Variants in CDH4 observed in about 807,000 individuals in gnomAD.
CDH4 encodes the protein cadherin 4.
A neutral mutation model predicts 86.0 loss-of-function variants in CDH4; 33 were observed. That is an observed-to-expected ratio of 0.38 (90% CI 0.29 to 0.51). The LOEUF (loss-of-function observed/expected upper bound fraction) is 0.51, where lower values mean the gene tolerates loss of function less well. CDH4 is among the 20% of genes least tolerant of loss of function. The pLI is 0.86. For synonymous variants in CDH4, 555 were observed against 549.4 expected, an observed-to-expected ratio of 1.01 and a Z score of -0.14; for missense variants, 1,114 against 1,307.4, an observed-to-expected ratio of 0.85 and a Z score of 2.28.
rs114840432 is a variant in CDH4, at chr20:61,796,177, C to T, written c.576+22995C>T. On this transcript the variant is annotated intron_variant, in intron 4 of 15. Coordinates refer to ENST00000614565, the MANE Select transcript of CDH4 (RefSeq NM_001794.5). ...CCCTGCACTGCCCTGGCCTGTGAGG[C>T]GAGGAGTGTTATCATTTTACTCCTA... Among the ~76,000 whole-genome samples the T allele has an allele frequency of 7.5e-3, 1,146 of 152,238 alleles. 13 individuals carry two copies. Among genetic ancestry groups the T allele is most frequent in the African/African-American group, 0.026 (1,079 of 41,500 alleles).
chr20:61,508,371 GCA>G, intron 2 of CDH4, among the ~76,000 whole-genome samples: 1 of 152,232 alleles, frequency 6.6e-6, no homozygotes, highest in Non-Finnish European at 1.5e-5. Flanking sequence ...TCGTGTCTGT[GCA>G]CACTTTCAGC....
intron 4 of CDH4, among the ~76,000 whole-genome samples, chr20:61,776,288 G>C (rs916119941): frequency 6.6e-6 from 1 of 152,214 alleles, no homozygotes; most frequent in East Asian, 1.9e-4. Context: ...AGCCGGCACC[G>C]GGAGCTCTCC....
intron 7 of CDH4, among the ~76,000 whole-genome samples, chr20:61,883,749 C>T (rs779262438): frequency 6.6e-6 from 1 of 152,132 alleles, no homozygotes; most frequent in Non-Finnish European, 1.5e-5. Flanking sequence ...CCCCCAGCGC[C>T]TGCTGGACTG....
intron 4 of CDH4, among the ~76,000 whole-genome samples, chr20:61,789,415 C>G (rs1342292956): frequency 6.6e-6 from 1 of 152,116 alleles, no homozygotes; most frequent in South Asian, 2.1e-4. Context: ...AGCCAAGGTG[C>G]ATGTCAGAAA....
intron 2 of CDH4, among the ~76,000 whole-genome samples, chr20:61,593,873 C>T (rs970750806): frequency 6.6e-6 from 1 of 151,194 alleles, no homozygotes; most frequent in East Asian, 2.0e-4. Context: ...CAAGGGTCCC[C>T]CCAGCAGAAC....
intron 2 of CDH4, among the ~76,000 whole-genome samples, chr20:61,492,303 G>A (rs987314270): frequency 6.1e-5 from 9 of 148,604 alleles, no homozygotes; most frequent in African/African-American, 1.9e-4. Context: ...TGTTGGTGTT[G>A]ATGTAGGTGG....
chr20:61,506,113 C>T (rs1289175803), intron 2 of CDH4, among the ~76,000 whole-genome samples: 1 of 152,180 alleles, frequency 6.6e-6, no homozygotes, highest in East Asian at 1.9e-4. Context: ...TAAATATTTA[C>T]ATAGAGGGGA....
intron 2 of CDH4, among the ~76,000 whole-genome samples, chr20:61,617,479 T>TC (rs1432081993): frequency 6.6e-6 from 1 of 152,050 alleles, no homozygotes; most frequent in Non-Finnish European, 1.5e-5. Flanking sequence ...GCTGAGAACG[T>TC]CCCCCCATTC....
intron 2 of CDH4, among the ~76,000 whole-genome samples, chr20:61,361,966 C>G (rs2084785818): frequency 2.0e-5 from 3 of 152,232 alleles, no homozygotes; most frequent in Admixed American, 6.5e-5. Flanking sequence ...ATCTGCCATC[C>G]CGGAGCCCAC....
At chr20:61,285,534 C>T (rs537862611) in intron 2 of CDH4, among the ~76,000 whole-genome samples, 141 of 152,330 alleles carry the variant, frequency 9.3e-4, no homozygotes, top group African/African-American at 3.1e-3. Flanking sequence ...GCGGCCCCTC[C>T]GAGCCTGCCA....
chr20:61,557,538 T>C (rs531929217), intron 2 of CDH4, among the ~76,000 whole-genome samples: 30 of 152,346 alleles, frequency 2.0e-4, no homozygotes, highest in Admixed American at 9.8e-4. Flanking sequence ...ACTTCTGGTA[T>C]AGATTAATTG....
intron 2 of CDH4, among the ~76,000 whole-genome samples, chr20:61,464,877 C>T (rs775073819): frequency 2.0e-4 from 31 of 152,284 alleles, no homozygotes; most frequent in East Asian, 9.7e-4. Context: ...ACAAAGAAGC[C>T]GGCTTCAAAA....
intron 2 of CDH4, among the ~76,000 whole-genome samples, chr20:61,665,658 C>A (rs551012521): frequency 6.6e-6 from 1 of 152,186 alleles, no homozygotes; most frequent in African/African-American, 2.4e-5. Context: ...CGAGTGCTCC[C>A]GGCAGGCTCA....
At chr20:61,531,637 T>G (rs767634487) in intron 2 of CDH4, among the ~76,000 whole-genome samples, 17 of 152,238 alleles carry the variant, frequency 1.1e-4, no homozygotes, top group Non-Finnish European at 1.8e-4. Context: ...CTGGATGGCA[T>G]TCACGGACCA....
In CDH4 at chr20:61,501,331, G is replaced by A. The variant is rs77924714; in HGVS notation, c.170-242232G>A. On this transcript the variant is annotated intron_variant, in intron 2 of 15. Coordinates refer to ENST00000614565, the MANE Select transcript of CDH4 (RefSeq NM_001794.5). The surrounding 1 kb of genome is among the most constrained non-coding windows in gnomAD (Gnocchi z 4.2). The stretch of plus-strand genomic sequence containing the variant: ...GCCTCTGGCTTCCGTGCAGAACAGC[G>A]GTTAGAGACGGGTGGAAAGAGAGAG... 1.3e-5 allele frequency among the ~76,000 whole-genome samples: 2 copies of A among 152,290 alleles called. No individual in the cohort carries two copies. Among genetic ancestry groups the A allele is most frequent in the East Asian group, 1.9e-4 (1 of 5,180 alleles).
At chr20:61,482,164 A>G (rs1247147933) in intron 2 of CDH4, among the ~76,000 whole-genome samples, 1 of 152,164 alleles carries the variant, frequency 6.6e-6, no homozygotes, top group Non-Finnish European at 1.5e-5. Context: ...ATTTTCTGCA[A>G]AGTGCAGATT....
At chr20:61,428,449 A>C (rs1452144146) in intron 2 of CDH4, among the ~76,000 whole-genome samples, 1 of 152,194 alleles carries the variant, frequency 6.6e-6, no homozygotes, top group Non-Finnish European at 1.5e-5. Context: ...CGGCAACATC[A>C]TTTGTTATGT....
chr20:61,320,802 T>A (rs1197847482), intron 2 of CDH4, among the ~76,000 whole-genome samples: 1 of 151,542 alleles, frequency 6.6e-6, no homozygotes, highest in East Asian at 2.0e-4. Context: ...GGGAGCAGCG[T>A]GCGCAGAGGT....
At chr20:61,605,900 A>T (rs1466495628) in intron 2 of CDH4, among the ~76,000 whole-genome samples, 1 of 151,942 alleles carries the variant, frequency 6.6e-6, no homozygotes, top group East Asian at 1.9e-4. Context: ...AAAAAAAAAA[A>T]AAAAACAGGA....
Sources: gnomAD v4.1 joint callset for allele counts (sites outside exome capture counted in the v4.1 genomes callset) on GRCh38, gnomAD v4.1.1 for gene constraint, Gnocchi (gnomAD v3.1) non-coding constraint, MANE v1.5 for transcripts, NCBI Gene and HGNC (gene_info 2026-07-23, HGNC 2026-07-21) for gene names.